The following SKAP1 variants were observed in gnomAD, a reference collection of about 807,000 sequenced individuals.
SKAP1 encodes src kinase-associated phosphoprotein 1.
Under a neutral mutation model 58.5 loss-of-function variants are expected in SKAP1, and 44 were observed. That is an observed-to-expected ratio of 0.75 (90% CI 0.59 to 0.97). The LOEUF is 0.97. Ranked by LOEUF, SKAP1 falls within the 50% of genes least tolerant of loss-of-function variation. The pLI, the probability that SKAP1 is intolerant of heterozygous loss-of-function variation, is 0.00. For synonymous variants in SKAP1, 127 were observed against 149.7 expected, an observed-to-expected ratio of 0.85 and a Z score of 1.11; for missense variants, 390 against 435.2, an observed-to-expected ratio of 0.90 and a Z score of 0.92.
chr17:48,273,503 G>A (rs927437681), intron 4 of SKAP1, among the ~76,000 whole-genome samples: 13 of 150,558 alleles, frequency 8.6e-5, no homozygotes, highest in Admixed American at 4.6e-4. Context: ...CTCGATCTCC[G>A]CCTCCCTGGG....
intron 4 of SKAP1, among the ~76,000 whole-genome samples, chr17:48,253,617 GGACT>G (rs1391729604): frequency 6.6e-6 from 1 of 152,056 alleles, no homozygotes; most frequent in Admixed American, 6.6e-5. Flanking sequence ...CATAGGTGCC[GGACT>G]CATCTCTCCC....
At chr17:48,238,587 G>T (rs1040426000) in intron 4 of SKAP1, among the ~76,000 whole-genome samples, 4 of 151,852 alleles carry the variant, frequency 2.6e-5, no homozygotes, top group African/African-American at 9.7e-5. Flanking sequence ...TGCACAGGAT[G>T]GTCTCGAACT....
intron 11 of SKAP1, among the ~76,000 whole-genome samples, chr17:48,160,935 T>G (rs2064060608): frequency 6.6e-6 from 1 of 152,214 alleles, no homozygotes; most frequent in Admixed American, 6.5e-5. Context: ...TGCTTCCAAT[T>G]TATTCTTGGT....
rs556590464 is a variant in SKAP1 at position 48,427,494 on chromosome 17, C to T, written c.46+2581G>A. ...ATTTTTAGAAGTGAGGTTTCTAGGT[C>T]GAGTGAAACATTTCCAAGTGTCTCA... On this transcript the variant is annotated intron_variant, in intron 1 of 12. Transcript: ENST00000336915. Among the ~76,000 whole-genome samples, 54 of 151,906 alleles carry T rather than the reference C, an allele frequency of 3.6e-4. 1 individual carries two copies. The South Asian group carries it at 0.01, about 29-fold the overall frequency.
At chr17:48,261,462 T>A (rs1446309314) in intron 4 of SKAP1, among the ~76,000 whole-genome samples, 1 of 152,130 alleles carries the variant, frequency 6.6e-6, no homozygotes, top group East Asian at 1.9e-4. Flanking sequence ...TGAACTGGCA[T>A]CCTGGAAGCA....
chr17:48,300,848 A>G (rs535287423), intron 4 of SKAP1, among the ~76,000 whole-genome samples: 1 of 152,320 alleles, frequency 6.6e-6, no homozygotes, highest in African/African-American at 2.4e-5. Flanking sequence ...TACTCTTAGT[A>G]AATGGCTTTG....
intron 4 of SKAP1, among the ~76,000 whole-genome samples, chr17:48,202,846 T>C (rs2064746431): frequency 6.6e-6 from 1 of 152,242 alleles, no homozygotes; most frequent in South Asian, 2.1e-4. Flanking sequence ...GACCTATATT[T>C]CCCTTGAATC....
chr17:48,242,547 G>C (rs958158354), intron 4 of SKAP1, among the ~76,000 whole-genome samples: 1 of 152,128 alleles, frequency 6.6e-6, no homozygotes, highest in African/African-American at 2.4e-5. Flanking sequence ...ACAGTGACAA[G>C]AACATGAAAC....
intron 2 of SKAP1, among the ~76,000 whole-genome samples, chr17:48,373,960 C>T (rs1306431402): frequency 6.6e-6 from 1 of 152,130 alleles, no homozygotes; most frequent in Non-Finnish European, 1.5e-5. Flanking sequence ...ATCATATACT[C>T]TCTGCCTTGG....
At position 48,220,883 on chromosome 17, in the gene SKAP1, G is replaced by GA. The variant is rs34654148; in HGVS notation, c.281-31384dup. ...AAAAAAAAAAAAAAAAAAAAGAAAA[G>GA]AAAAAAAAAAGAAAGAGAAGCTTTA... On this transcript the variant is annotated intron_variant, in intron 4 of 12. Coordinates refer to ENST00000336915, the MANE Select transcript of SKAP1 (RefSeq NM_003726.4). Among the ~76,000 whole-genome samples the GA allele has an allele frequency of 7.0e-3, 653 of 93,110 alleles. 6 individuals are homozygous for GA. Among genetic ancestry groups the GA allele is most frequent in the African/African-American group, 0.018 (509 of 28,012 alleles). The allele number at this position is 93,110 out of a possible 152,430, so 61.1% of individuals were successfully genotyped here.
At chr17:48,279,929 C>G (rs1222546228) in intron 4 of SKAP1, among the ~76,000 whole-genome samples, 1 of 152,150 alleles carries the variant, frequency 6.6e-6, no homozygotes, top group East Asian at 1.9e-4. Context: ...CCCAAGGTCC[C>G]TTTGCTATCT....
chr17:48,202,047 T>C (rs989487478), intron 4 of SKAP1, among the ~76,000 whole-genome samples: 1 of 152,226 alleles, frequency 6.6e-6, no homozygotes, highest in Non-Finnish European at 1.5e-5. Flanking sequence ...ATACTGTTAA[T>C]GGTGAAGGCT....
At chr17:48,421,193 G>A (rs543919779) in intron 1 of SKAP1, among the ~76,000 whole-genome samples, 3 of 151,164 alleles carry the variant, frequency 2.0e-5, no homozygotes, top group Admixed American at 6.6e-5. Flanking sequence ...TCTCTACCAC[G>A]TTTTTTTAAA....
intron 4 of SKAP1, among the ~76,000 whole-genome samples, chr17:48,222,130 A>G (rs1434895969): frequency 6.6e-6 from 1 of 152,228 alleles, no homozygotes; most frequent in South Asian, 2.1e-4. Flanking sequence ...AAGTTGCTAC[A>G]GTTAGCTACA....
chr17:48,186,107 T>C (rs923427997), intron 6 of SKAP1: 7 of 152,176 alleles, frequency 4.6e-5, no homozygotes, highest in African/African-American at 1.2e-4. Context: ...GCAAAATAAA[T>C]GATGAACATA....
At chr17:48,407,845 C>T (rs1354064103) in intron 1 of SKAP1, among the ~76,000 whole-genome samples, 3 of 134,372 alleles carry the variant, frequency 2.2e-5, no homozygotes, top group African/African-American at 8.9e-5. Flanking sequence ...CAGAGTGAGA[C>T]TTTGTCTCCA....
At chr17:48,148,984 T>C (rs1160419119) in intron 11 of SKAP1, among the ~76,000 whole-genome samples, 1 of 152,174 alleles carries the variant, frequency 6.6e-6, no homozygotes, top group Non-Finnish European at 1.5e-5. Context: ...TTCTCTCTTA[T>C]CTCTTTTCCT....
At chr17:48,200,710 T>G (rs1418762757) in intron 4 of SKAP1, among the ~76,000 whole-genome samples, 1 of 152,198 alleles carries the variant, frequency 6.6e-6, no homozygotes, top group Non-Finnish European at 1.5e-5. Context: ...GTTGAACTGA[T>G]GTGGAATTAA....
chr17:48,302,471 C>T (rs1405378526), intron 4 of SKAP1, among the ~76,000 whole-genome samples: 1 of 152,188 alleles, frequency 6.6e-6, no homozygotes, highest in African/African-American at 2.4e-5. Context: ...AAGTTTCCTT[C>T]TCCCCTCCAT....
Sources: allele counts gnomAD v4.1 joint callset (sites outside exome capture counted in the v4.1 genomes callset), GRCh38; gene constraint gnomAD v4.1.1; transcripts MANE v1.5; gene names NCBI Gene and HGNC (gene_info 2026-07-23, HGNC 2026-07-21).